Variants in PCDHGA8 observed in about 807,000 individuals in gnomAD.
PCDHGA8 encodes protocadherin gamma-A8.
In PCDHGA8, 45 loss-of-function variants were observed where a neutral mutation model predicts 59.2. The observed-to-expected ratio is 0.76, with a 90% CI of 0.60 to 0.98. PCDHGA8 has a LOEUF of 0.98. PCDHGA8 is among the 50% of genes least tolerant of loss of function. The probability of loss-of-function intolerance (pLI) is 0.00; values close to 1 mark genes in which losing one functional copy is unlikely to be tolerated. For synonymous variants in PCDHGA8, 531 were observed against 519.0 expected (o/e 1.02, Z -0.32); for missense variants, 1,257 against 1,196.2 (o/e 1.05, Z -0.75).
rs774113255 is a variant in PCDHGA8 at position 141,405,285 on chromosome 5, C to T, written c.2424+10048C>T. 3.7e-6 allele frequency: 6 copies of T among 1,614,080 alleles called. No individual in the cohort carries two copies. The Admixed American group carries it at 1.0e-4, about 27-fold the overall frequency. On this transcript the variant is annotated intron_variant, in intron 1 of 3. Coordinates refer to ENST00000398604, the MANE Select transcript of PCDHGA8 (RefSeq NM_032088.2). ...TTCCCCCAGCCCAACTATGCAGACACACTCATCAGCCAGCAGAGCTGTGAG... is the reference window on the plus strand; with the variant it reads ...TTCCCCCAGCCCAACTATGCAGACATACTCATCAGCCAGCAGAGCTGTGAG...
At position 141,490,003 on chromosome 5, in the gene PCDHGA8, G is replaced by A. The variant is rs2099694760; in HGVS notation, c.2425-4804G>A. On this transcript the variant is annotated intron_variant, in intron 1 of 3. Transcript: ENST00000398604. This position sits in a 1 kb window ranked among gnomAD's most constrained non-coding sequence, Gnocchi z 5.4. ...TCTACGTGTGGGAATCCCAGAGAAT[G>A]CACCCATTGGTACTCTGCTGCTCCG... 6.2e-7 allele frequency: 1 copy of A among 1,614,204 alleles called. No homozygotes were observed. Among genetic ancestry groups the A allele is most frequent in the Non-Finnish European group, 8.5e-7 (1 of 1,180,008 alleles).
In PCDHGA8 at chr5:141,489,984, T is replaced by C; in HGVS notation, c.2425-4823T>C. The C allele has an allele frequency of 1.2e-6, 2 of 1,614,212 alleles. No homozygotes were observed. Among genetic ancestry groups the C allele is most frequent in the South Asian group, 1.1e-5 (1 of 91,090 alleles). ...CAACCTTCCAATCCTCAGTTCTACG[T>C]GTGGGAATCCCAGAGAATGCACCCA... On this transcript the variant is annotated intron_variant, in intron 1 of 3. Transcript: ENST00000398604. The surrounding 1 kb of genome is among the most constrained non-coding windows in gnomAD (Gnocchi z 4.5).
Position 141,477,763 on chromosome 5 carries a change from C to G in PCDHGA8, c.2425-17044C>G, listed in dbSNP as rs763322593. The G allele has an allele frequency of 6.2e-7, 1 of 1,614,012 alleles. No homozygotes were observed. Among genetic ancestry groups the G allele is most frequent in the Non-Finnish European group, 8.5e-7 (1 of 1,180,032 alleles). Reference sequence around the variant, plus strand: ...ATGGGGGCACCCCGGTCCTAGCCACCAACATCAGCGTGAACATATTTGTCA... The same window carrying G: ...ATGGGGGCACCCCGGTCCTAGCCACGAACATCAGCGTGAACATATTTGTCA... On this transcript the variant is annotated intron_variant, in intron 1 of 3. Transcript: ENST00000398604. This position sits in a 1 kb window ranked among gnomAD's most constrained non-coding sequence, Gnocchi z 4.9.
chr5:141,393,937 A>T lies in PCDHGA8; in HGVS notation c.1124A>T (p.Asp375Val). ...GCCTTCTTGAGTGTGCATGACCAAG[A>T]CTCTGGAAAGAATGGTCAAGTTGTC... ...VIAFLSVHDQ[D>V]SGKNGQVVCY... Residue 375 changes from aspartate to valine, a missense_variant, in exon 1 of 4, where the codon GAC becomes GTC. By Grantham distance (152) the Asp-to-Val change is radical (BLOSUM62 -3). Coordinates refer to ENST00000398604, the MANE Select transcript of PCDHGA8 (RefSeq NM_032088.2). The T allele has an allele frequency of 6.2e-7, 1 of 1,613,906 alleles. No homozygotes were observed. Among genetic ancestry groups the T allele is most frequent in the Non-Finnish European group, 8.5e-7 (1 of 1,179,860 alleles).
At chr5:141,408,927 T>C (rs1220361067) in intron 1 of PCDHGA8, 5 of 1,613,512 alleles carry the variant, frequency 3.1e-6, no homozygotes, top group African/African-American at 1.3e-5. Context: ...CCCCCGGTTT[T>C]CAGCAGAGAC....
chr5:141,438,735 C>T (rs2098057719), intron 1 of PCDHGA8, among the ~76,000 whole-genome samples: 1 of 149,150 alleles, frequency 6.7e-6, no homozygotes, highest in South Asian at 2.1e-4. Context: ...GATCTCAGCT[C>T]ACTGCAACCT....
chr5:141,477,260 G>A lies in PCDHGA8; in HGVS notation c.2425-17547G>A. On this transcript the variant is annotated intron_variant, in intron 1 of 3. Coordinates refer to ENST00000398604, the MANE Select transcript of PCDHGA8 (RefSeq NM_032088.2). This position sits in a 1 kb window ranked among gnomAD's most constrained non-coding sequence, Gnocchi z 4.9. ...GCTCAGTGTGACTGACCTGGATGCTGGCGAGAACGGGCTGGTGACCTGCGA... is the reference window on the plus strand; with the variant it reads ...GCTCAGTGTGACTGACCTGGATGCTAGCGAGAACGGGCTGGTGACCTGCGA... 6.2e-7 allele frequency: 1 copy of A among 1,614,200 alleles called. No homozygotes were observed. Among genetic ancestry groups the A allele is most frequent in the Non-Finnish European group, 8.5e-7 (1 of 1,180,048 alleles).
At chr5:141,466,104 AGAGT>A (rs2154569127) in intron 1 of PCDHGA8, among the ~76,000 whole-genome samples, 1 of 152,144 alleles carries the variant, frequency 6.6e-6, no homozygotes, top group Admixed American at 6.5e-5. Flanking sequence ...CCTGGGCAAC[AGAGT>A]GAGACTCCAG....
Position 141,489,424 on chromosome 5 carries a change from C to T in PCDHGA8, c.2425-5383C>T, listed in dbSNP as rs758049228. The T allele has an allele frequency of 5.0e-5, 80 of 1,613,958 alleles. No homozygotes were observed. In the Admixed American group the frequency reaches 1.1e-3, roughly 23 times the overall value. On this transcript the variant is annotated intron_variant, in intron 1 of 3. Coordinates refer to ENST00000398604, the MANE Select transcript of PCDHGA8 (RefSeq NM_032088.2). The surrounding 1 kb of genome is among the most constrained non-coding windows in gnomAD (Gnocchi z 4.5). ...CTTAAAGATGACAGATCTGTTGAGC[C>T]GGCGGCTGCAATTGGGCTCTGAGGA...
At chr5:141,454,977 T>C (rs1357011192) in intron 1 of PCDHGA8, among the ~76,000 whole-genome samples, 6 of 151,508 alleles carry the variant, frequency 4.0e-5, no homozygotes, top group Non-Finnish European at 8.8e-5. Context: ...CTGGCTAATT[T>C]TTTAAAAAAT....
At position 141,394,505 on chromosome 5, in the gene PCDHGA8, C is replaced by A. The variant is rs1366555133; in HGVS notation, c.1692C>A (p.Tyr564Ter). The A allele has an allele frequency of 2.5e-6, 4 of 1,614,218 alleles. No homozygotes were observed. The highest frequency in any genetic ancestry group is 3.4e-6 in the Non-Finnish European group (4 of 1,180,032). ...ATGACAACGCGCCCGAGATCCTGTA[C>A]CCCGCCCTCCCCACAGACGGTTCCA... ...DQNDNAPEIL[Y>*]PALPTDGSTG... Residue 564 changes from tyrosine to a stop codon, truncating the protein, a stop_gained, in exon 1 of 4, where the codon TAC becomes TAA. Coordinates refer to ENST00000398604, the MANE Select transcript of PCDHGA8 (RefSeq NM_032088.2). LOFTEE classifies it high-confidence loss of function.
chr5:141,487,689 A>G lies in PCDHGA8; in HGVS notation c.2425-7118A>G. 6.2e-7 allele frequency: 1 copy of G among 1,605,144 alleles called. No homozygotes were observed. The highest frequency in any genetic ancestry group is 1.7e-4 in the Middle Eastern group (1 of 6,050). ...GGCATATGGCTAGGCCATGTCCTAG[A>G]GAGTACTGGCCTCTCAGTAAGTGCC... On this transcript the variant is annotated intron_variant, in intron 1 of 3. Coordinates refer to ENST00000398604, the MANE Select transcript of PCDHGA8 (RefSeq NM_032088.2). This position sits in a 1 kb window ranked among gnomAD's most constrained non-coding sequence, Gnocchi z 5.0.
intron 1 of PCDHGA8, among the ~76,000 whole-genome samples, chr5:141,481,478 T>C (rs2099538352): frequency 6.6e-6 from 1 of 152,232 alleles, no homozygotes; most frequent in African/African-American, 2.4e-5. Context: ...GATTATACAC[T>C]TTAAATATGT....
chr5:141,492,398 C>T (rs1347317333), intron 1 of PCDHGA8, among the ~76,000 whole-genome samples: 2 of 152,244 alleles, frequency 1.3e-5, no homozygotes, highest in Non-Finnish European at 1.5e-5. Flanking sequence ...CCACTCGCAG[C>T]TCCCCTCTGC....
chr5:141,418,586 A>C lies in PCDHGA8; in HGVS notation c.2424+23349A>C, dbSNP rs1422171892. ...TGCCAATGACAACCCCCCAGTGTTC[A>C]GCCAGGACGTGTACAGGGTTAGCCT... On this transcript the variant is annotated intron_variant, in intron 1 of 3. Transcript: ENST00000398604. The C allele has an allele frequency of 1.9e-6, 3 of 1,613,930 alleles. No individual in the cohort carries two copies. In the Admixed American group the frequency reaches 5.0e-5, roughly 27 times the overall value.
intron 2 of PCDHGA8, among the ~76,000 whole-genome samples, chr5:141,497,706 A>G (rs2099778850): frequency 6.6e-6 from 1 of 151,956 alleles, no homozygotes; most frequent in Middle Eastern, 3.2e-3. Flanking sequence ...CACCCAGCTC[A>G]TTTTTGTATT....
chr5:141,437,262 G>A (rs1490690532), intron 1 of PCDHGA8, among the ~76,000 whole-genome samples: 1 of 152,152 alleles, frequency 6.6e-6, no homozygotes, highest in Non-Finnish European at 1.5e-5. Flanking sequence ...CTTTTTATGT[G>A]TATGACAGAT....
intron 1 of PCDHGA8, chr5:141,409,600 G>T (rs778681839): frequency 6.8e-6 from 11 of 1,613,882 alleles, no homozygotes; most frequent in Admixed American, 1.7e-5. Flanking sequence ...AGAACAACCC[G>T]CCAGGAGCCT....
chr5:141,476,040 G>T lies in PCDHGA8; in HGVS notation c.2425-18767G>T. On this transcript the variant is annotated intron_variant, in intron 1 of 3. Coordinates refer to ENST00000398604, the MANE Select transcript of PCDHGA8 (RefSeq NM_032088.2). This position sits in a 1 kb window ranked among gnomAD's most constrained non-coding sequence, Gnocchi z 7.6. ...CGGACTCGGCGCCCAGCGCCCAAGC[G>T]CTAACCCGCTGAAAGTTTCTCAGCG... is the stretch of plus-strand genomic sequence containing the variant. 1 of 1,488,704 alleles carries T rather than the reference G, an allele frequency of 6.7e-7. No homozygotes were observed. 92.2% of individuals were successfully genotyped at this position (1,488,704 alleles called of 1,614,324 possible).
Sources: allele counts gnomAD v4.1 joint callset (sites outside exome capture counted in the v4.1 genomes callset), GRCh38; gene constraint gnomAD v4.1.1; non-coding constraint Gnocchi (gnomAD v3.1); transcripts MANE v1.5; gene names NCBI Gene and HGNC (gene_info 2026-07-23, HGNC 2026-07-21).